Variants in BTBD9 observed in about 807,000 individuals in gnomAD.
BTBD9 encodes BTB/POZ domain-containing protein 9.
Under a neutral mutation model 64.3 loss-of-function variants are expected in BTBD9, and 49 were observed. The ratio of observed to expected loss-of-function variants is 0.76; its 90% confidence interval spans 0.61 to 0.97. The LOEUF (loss-of-function observed/expected upper bound fraction) is 0.97. Among genes scored for constraint, BTBD9 ranks in the 50% least tolerant of loss-of-function variants. BTBD9 has a pLI of 0.00. For missense variants in BTBD9, 598 were observed against 762.1 expected, an observed-to-expected ratio of 0.78 and a Z score of 2.53; for synonymous variants, 260 against 274.7, an observed-to-expected ratio of 0.95 and a Z score of 0.53.
chr6:38,581,360 C>A (rs991588834), intron 4 of BTBD9, among the ~76,000 whole-genome samples: 3 of 152,004 alleles, frequency 2.0e-5, no homozygotes, highest in Non-Finnish European at 4.4e-5. Context: ...TATGAATATG[C>A]TGAAATTAAT....
chr6:38,509,392 G>A (rs940379078), intron 6 of BTBD9, among the ~76,000 whole-genome samples: 1 of 152,152 alleles, frequency 6.6e-6, no homozygotes, highest in African/African-American at 2.4e-5. Flanking sequence ...GCTAAGATAT[G>A]TTAGTCCTAA....
intron 1 of BTBD9, among the ~76,000 whole-genome samples, chr6:38,624,525 G>C (rs1478150337): frequency 2.6e-5 from 4 of 151,926 alleles, no homozygotes; most frequent in African/African-American, 9.7e-5. Flanking sequence ...GACCCACCTG[G>C]GCAAAAGAGT....
At position 38,513,750 on chromosome 6, in the gene BTBD9, A is replaced by G. The variant is rs74898136; in HGVS notation, c.1154+63850T>C. 1.3e-3 allele frequency among the ~76,000 whole-genome samples: 197 copies of G among 152,320 alleles called. 4 individuals carry two copies. In the East Asian group the frequency reaches 0.016, roughly 13 times the overall value. ...GCAAAAGTACCAATGCCATGACTAG[A>G]CATATTCAAGTGGTGGCTTTTTTGG... is the stretch of plus-strand genomic sequence containing the variant. On this transcript the variant is annotated intron_variant, in intron 6 of 10. Coordinates refer to ENST00000481247, the MANE Select transcript of BTBD9 (RefSeq NM_001099272.2).
intron 9 of BTBD9, among the ~76,000 whole-genome samples, chr6:38,234,286 C>T (rs1230340691): frequency 6.6e-6 from 1 of 152,180 alleles, no homozygotes; most frequent in Non-Finnish European, 1.5e-5. Flanking sequence ...ATTTTATTTT[C>T]TCACTTTCTG....
chr6:38,447,437 A>G (rs1330232881), intron 6 of BTBD9, among the ~76,000 whole-genome samples: 2 of 152,228 alleles, frequency 1.3e-5, no homozygotes, highest in Non-Finnish European at 2.9e-5. Context: ...CATTAGTAAT[A>G]TTTGGAAACT....
intron 6 of BTBD9, among the ~76,000 whole-genome samples, chr6:38,443,207 G>A (rs1769120202): frequency 6.6e-6 from 1 of 152,178 alleles, no homozygotes; most frequent in Non-Finnish European, 1.5e-5. Flanking sequence ...GCTGCTGTGA[G>A]GGGAATCAAC....
At chr6:38,627,380 T>C (rs778618013) in intron 1 of BTBD9, among the ~76,000 whole-genome samples, 3 of 152,164 alleles carry the variant, frequency 2.0e-5, no homozygotes, top group Non-Finnish European at 4.4e-5. Flanking sequence ...CTCCAAGATA[T>C]AATGAGAGAA....
At chr6:38,231,299 G>A (rs558492389) in intron 9 of BTBD9, among the ~76,000 whole-genome samples, 5 of 152,150 alleles carry the variant, frequency 3.3e-5, no homozygotes, top group Non-Finnish European at 7.3e-5. Context: ...TGCATTATGT[G>A]GGATAACACA....
intron 8 of BTBD9, among the ~76,000 whole-genome samples, chr6:38,272,233 A>C (rs1184992034): frequency 6.6e-6 from 1 of 152,222 alleles, no homozygotes; most frequent in Non-Finnish European, 1.5e-5. Context: ...GTCTTTGATA[A>C]GGCAGTTAAT....
intron 6 of BTBD9, among the ~76,000 whole-genome samples, chr6:38,378,738 G>A (rs575835244): frequency 6.6e-6 from 1 of 151,650 alleles, no homozygotes; most frequent in East Asian, 2.0e-4. Flanking sequence ...GCTGGGCGTG[G>A]TGGTGGGTAC....
intron 3 of BTBD9, 96 bp from the exon 4 acceptor site, chr6:38,592,936 A>G (rs1776869434): frequency 5.4e-6 from 7 of 1,304,046 alleles, no homozygotes; most frequent in Non-Finnish European, 7.4e-6. Context: ...AACTTAGCCA[A>G]TTAACTCTTT....
chr6:38,471,678 C>G (rs1000757380), intron 6 of BTBD9, among the ~76,000 whole-genome samples: 1 of 152,106 alleles, frequency 6.6e-6, no homozygotes, highest in African/African-American at 2.4e-5. Flanking sequence ...AGCCACTGTG[C>G]CCACCTGTGA....
intron 2 of BTBD9, among the ~76,000 whole-genome samples, 166 bp downstream of exon 2, chr6:38,597,744 T>C (rs1777096282): frequency 6.6e-6 from 1 of 152,186 alleles, no homozygotes; most frequent in Admixed American, 6.5e-5. Context: ...GAAAAGGTGA[T>C]TCTCAAAAAA....
chr6:38,313,091 T>C (rs1232125669), intron 7 of BTBD9, among the ~76,000 whole-genome samples: 1 of 152,228 alleles, frequency 6.6e-6, no homozygotes, highest in Non-Finnish European at 1.5e-5. Flanking sequence ...CACCAATGTT[T>C]TATAGTTTTC....
At chr6:38,527,568 TC>T (rs769712340) in intron 6 of BTBD9, among the ~76,000 whole-genome samples, 6 of 152,106 alleles carry the variant, frequency 3.9e-5, no homozygotes, top group Non-Finnish European at 7.3e-5. Flanking sequence ...GGTGCCTGCT[TC>T]CCCTTCTGTC....
chr6:38,303,388 T>C (rs1762483556), intron 7 of BTBD9, among the ~76,000 whole-genome samples: 1 of 152,160 alleles, frequency 6.6e-6, no homozygotes, highest in Non-Finnish European at 1.5e-5. Context: ...TTTATATATA[T>C]TGTATTTATG....
At chr6:38,449,042 C>A (rs1310736401) in intron 6 of BTBD9, among the ~76,000 whole-genome samples, 1 of 152,062 alleles carries the variant, frequency 6.6e-6, no homozygotes, top group East Asian at 1.9e-4. Flanking sequence ...CACTCAGAGG[C>A]AAGTGTTTAG....
In BTBD9 at chr6:38,288,395, C is replaced by A. The variant is rs757813575; in HGVS notation, c.1331G>T (p.Arg444Leu). 2 of 1,614,120 alleles carry A rather than the reference C, an allele frequency of 1.2e-6. No homozygotes were observed. Among genetic ancestry groups the A allele is most frequent in the Non-Finnish European group, 1.7e-6 (2 of 1,180,004 alleles). The change falls in exon 8 of 11, where the codon CGA (arginine) becomes CTA (leucine). Residue 444 changes from arginine (R) to leucine (L), a missense_variant. Arg to Leu is a moderately radical substitution (Grantham distance 102). Coordinates refer to ENST00000481247, the MANE Select transcript of BTBD9 (RefSeq NM_001099272.2). Reference sequence around the variant, plus strand: ...AGTGTCCCCATTCAGCAAGGCATTTCGGCTCCGACTGACTCCTTCAATCAC... The same window carrying A: ...AGTGTCCCCATTCAGCAAGGCATTTAGGCTCCGACTGACTCCTTCAATCAC... ...ASVIEGVSRS[R>L]NALLNGDTKN...
intron 6 of BTBD9, among the ~76,000 whole-genome samples, chr6:38,576,372 T>C (rs1776033587): frequency 6.6e-6 from 1 of 152,176 alleles, no homozygotes; most frequent in Non-Finnish European, 1.5e-5. Flanking sequence ...AGTCTGTCTT[T>C]GGGGAAATGA....
Sources: allele counts gnomAD v4.1 joint callset (sites outside exome capture counted in the v4.1 genomes callset), GRCh38; gene constraint gnomAD v4.1.1; transcripts MANE v1.5; gene names NCBI Gene and HGNC (gene_info 2026-07-23, HGNC 2026-07-21).